ZNF597: variants seen among roughly 807,000 people sequenced by gnomAD.
ZNF597 encodes zinc finger protein 597.
A neutral mutation model predicts 7.3 loss-of-function variants in ZNF597; 5 were observed. The observed-to-expected ratio is 0.68, with a 90% confidence interval of 0.36 to 1.44. The LOEUF (loss-of-function observed/expected upper bound fraction) is 1.44, where lower values mean the gene tolerates loss of function less well. ZNF597 is among the 40% of genes most tolerant of loss of function. The pLI is 0.04. For synonymous variants in ZNF597, 209 were observed against 185.4 expected (o/e 1.13, Z -1.04); for missense variants, 585 against 517.9 (o/e 1.13, Z -1.26).
intron 3 of ZNF597, 57 bp downstream of exon 3, chr16:3,440,749 GA>G: frequency 6.2e-7 from 1 of 1,601,382 alleles, no homozygotes; most frequent in Non-Finnish European, 8.5e-7. Context: ...GATAAAGCAT[GA>G]AGTTCTCCTC....
chr16:3,441,093 G>A (rs2150934270), intron 2 of ZNF597, among the ~76,000 whole-genome samples, 160 bp from the exon 3 acceptor site: 1 of 152,352 alleles, frequency 6.6e-6, no homozygotes, highest in East Asian at 1.9e-4. Flanking sequence ...GTTCTAAGGG[G>A]TGGGGTGAGG....
rs1180813937 is a variant in ZNF597 at position 3,443,351 on chromosome 16, C to G, written c.-54+9G>C. On this transcript the variant is annotated intron_variant, in intron 1 of 3. Transcript: ENST00000301744. ...CCTCTTGGCCCGGCCTCGAAAGGGG[C>G]CCACTTACCGCTCCGCGGTTAATAA... is the stretch of plus-strand genomic sequence containing the variant. 4 of 593,288 alleles carry G rather than the reference C, an allele frequency of 6.7e-6. No individual in the cohort carries two copies. Among genetic ancestry groups the G allele is most frequent in the Admixed American group, 3.4e-5 (1 of 29,538 alleles). 36.8% of individuals were successfully genotyped at this position (593,288 alleles called of 1,614,324 possible).
At chr16:3,441,130 C>T (rs1361907052) in intron 2 of ZNF597, among the ~76,000 whole-genome samples, 197 bp from the exon 3 acceptor site, 2 of 152,158 alleles carry the variant, frequency 1.3e-5, no homozygotes, top group Non-Finnish European at 2.9e-5. Flanking sequence ...TAAACATGGA[C>T]ATACATTTTT....
rs1417521317 is a variant in ZNF597 at position 3,443,368 on chromosome 16, G to A, written c.-62C>T. On this transcript the variant is annotated 5_prime_UTR_variant, in exon 1 of 4. Coordinates refer to ENST00000301744, the MANE Select transcript of ZNF597 (RefSeq NM_152457.3). ...GAAAGGGGCCCACTTACCGCTCCGCGGTTAATAACAGGCCTCGCGCTCCCT... is the reference window on the plus strand; with the variant it reads ...GAAAGGGGCCCACTTACCGCTCCGCAGTTAATAACAGGCCTCGCGCTCCCT... The A allele has an allele frequency of 3.5e-6, 2 of 569,022 alleles. No individual in the cohort carries two copies. The highest frequency in any genetic ancestry group is 3.9e-5 in the African/African-American group (2 of 51,194). The allele number at this position is 569,022 out of a possible 1,614,324, so 35.2% of individuals were successfully genotyped here. A position where few individuals can be genotyped will look rare whatever the true frequency, so the allele number is the denominator to read the frequency against.
chr16:3,441,209 T>C (rs37831), intron 2 of ZNF597, among the ~76,000 whole-genome samples: 129,479 of 152,174 alleles, frequency 0.85, 55,119 homozygotes, highest in East Asian at 0.9. Flanking sequence ...GATGAGGGAA[T>C]GGCTCTTAGG....
At position 3,440,827 on chromosome 16, in the gene ZNF597, A is replaced by C. The variant is rs926260253; in HGVS notation, c.140T>G (p.Leu47Trp). Residue 47 changes from leucine (L) to tryptophan (W), a missense_variant, in exon 3 of 4, where the codon TTG becomes TGG. Leu to Trp is a moderately conservative substitution (Grantham distance 61). Transcript: ENST00000301744. ...CTTACCCATCAAAGCCGCATCCTCC[A>C]AAGACTCTTTTGTACCATCTTTGCT... ...SLSKDGTKES[L>W]EDAALMGEEG... 8.7e-6 allele frequency: 14 copies of C among 1,613,910 alleles called. No homozygotes were observed. The highest frequency in any genetic ancestry group is 1.2e-5 in the Non-Finnish European group (14 of 1,179,946).
chr16:3,436,829 G>A lies in ZNF597; in HGVS notation c.870C>T (p.Phe290=), dbSNP rs74322708. ...TGTGCTGGTACTGGGGGCCTGATAC[G>A]AATGTTTCCTCAGGCAAAGCAAGAT... is the stretch of plus-strand genomic sequence containing the variant. ...KPNLALPEET[F]VSGPQYQHTK... The change falls in exon 4 of 4, where the codon TTC becomes TTT. Residue 290 remains phenylalanine (F), a synonymous_variant. Transcript: ENST00000301744. 62 of 1,613,812 alleles carry A rather than the reference G, an allele frequency of 3.8e-5. No homozygotes were observed. Among genetic ancestry groups the A allele is most frequent in the East Asian group, 8.9e-5 (4 of 44,890 alleles).
At chr16:3,439,108 G>A (rs2034336342) in intron 3 of ZNF597, among the ~76,000 whole-genome samples, 1 of 152,164 alleles carries the variant, frequency 6.6e-6, no homozygotes, top group African/African-American at 2.4e-5. Context: ...GCTAGGTACA[G>A]TGGCTCAAAC....
intron 2 of ZNF597, among the ~76,000 whole-genome samples, 153 bp from the exon 3 acceptor site, chr16:3,441,086 C>G (rs1325167122): frequency 1.3e-5 from 2 of 152,060 alleles, no homozygotes; most frequent in Admixed American, 1.3e-4. Flanking sequence ...CAAATGGGTT[C>G]TAAGGGGTGG....
rs1445593611 is a variant in ZNF597, at chr16:3,436,716, T to A, written c.983A>T (p.Asp328Val). Residue 328 changes from aspartate to valine, a missense_variant, in exon 4 of 4, where the codon GAT (aspartate) becomes GTT (valine). By Grantham distance (152) the Asp-to-Val change is radical. Coordinates refer to ENST00000301744, the MANE Select transcript of ZNF597 (RefSeq NM_152457.3). ...HDEDSERCSD[D>V]GDNFFSFSKF... ...TGAGAATGAGAAGAAATTGTCCCCATCATCGCTGCAGCGTTCAGAGTCCTC... is the reference window on the plus strand; with the variant it reads ...TGAGAATGAGAAGAAATTGTCCCCAACATCGCTGCAGCGTTCAGAGTCCTC... The A allele has an allele frequency of 6.2e-7, 1 of 1,614,130 alleles. No homozygotes were observed. Among genetic ancestry groups the A allele is most frequent in the Non-Finnish European group, 8.5e-7 (1 of 1,180,008 alleles).
chr16:3,442,110 G>A (rs1007140157), intron 2 of ZNF597, among the ~76,000 whole-genome samples: 6 of 152,048 alleles, frequency 3.9e-5, no homozygotes, highest in African/African-American at 9.7e-5. Context: ...GACACTCATT[G>A]CTAAGCTCAC....
At position 3,442,483 on chromosome 16, in the gene ZNF597, G is replaced by A. The variant is rs545379453; in HGVS notation, c.33+638C>T. 2.1e-3 allele frequency among the ~76,000 whole-genome samples: 319 copies of A among 152,124 alleles called. 2 individuals are homozygous for A. Among genetic ancestry groups the A allele is most frequent in the African/African-American group, 7.3e-3 (303 of 41,492 alleles). ...AAGGTCAGGAGATTGAGACCATCCT[G>A]GCTAACACGGTGAAACCCCGTCTCT... is the stretch of plus-strand genomic sequence containing the variant. On this transcript the variant is annotated intron_variant, in intron 2 of 3. Coordinates refer to ENST00000301744, the MANE Select transcript of ZNF597 (RefSeq NM_152457.3).
In ZNF597 at chr16:3,441,177, T is replaced by C. The variant is rs144056794; in HGVS notation, c.34-244A>G. 1.4e-3 allele frequency among the ~76,000 whole-genome samples: 211 copies of C among 152,286 alleles called. 1 individual carries two copies. The highest frequency in any genetic ancestry group is 6.8e-3 in the Middle Eastern group (2 of 292). ...CAAGGACGGTGGACTGTGAGAATTA[T>C]TGTCTATCTTGAAAGAGAAAAGATG... On this transcript the variant is annotated intron_variant, in intron 2 of 3. Coordinates refer to ENST00000301744, the MANE Select transcript of ZNF597 (RefSeq NM_152457.3).
At chr16:3,438,338 T>C (rs1270861731) in intron 3 of ZNF597, among the ~76,000 whole-genome samples, 2 of 151,430 alleles carry the variant, frequency 1.3e-5, no homozygotes, top group African/African-American at 2.4e-5. Context: ...GGCGGGTGGA[T>C]CACGAGATCA....
Position 3,433,837 on chromosome 16 carries a change from C to T in ZNF597, c.*2587G>A, listed in dbSNP as rs1333180558. 1 of 152,098 alleles carries T rather than the reference C, an allele frequency of 6.6e-6. No homozygotes were observed. The highest frequency in any genetic ancestry group is 6.5e-5 in the Admixed American group (1 of 15,274). The allele number at this position is 152,098 out of a possible 1,614,324, so 9.4% of individuals were successfully genotyped here. On this transcript the variant is annotated 3_prime_UTR_variant, in exon 4 of 4. Transcript: ENST00000301744. The stretch of plus-strand genomic sequence containing the variant: ...ACACTTCCGGGGTTTTCATTTTTTT[C>T]TGCATACTAATCATTAACAGTATTA...
chr16:3,436,551 T>TC lies in ZNF597; in HGVS notation c.1147dup (p.Glu383GlyfsTer16). ...GTGGCTCTTCTGGTGGCATGCAAGT[T>TC]CTGAGTCCAAAGCAAAACTTTCCTC... On this transcript the variant is annotated frameshift_variant, in exon 4 of 4. Transcript: ENST00000301744. LOFTEE classifies it low-confidence loss of function (END_TRUNC). 1 of 1,613,964 alleles carries TC rather than the reference T, an allele frequency of 6.2e-7. No homozygotes were observed. Among genetic ancestry groups the TC allele is most frequent in the South Asian group, 1.1e-5 (1 of 91,060 alleles).
rs2034289718 is a variant in ZNF597, at chr16:3,435,373, T to C, written c.*1051A>G. 1 of 152,260 alleles carries C rather than the reference T, an allele frequency of 6.6e-6. No individual in the cohort carries two copies. The highest frequency in any genetic ancestry group is 1.5e-5 in the Non-Finnish European group (1 of 68,116). The allele number at this position is 152,260 out of a possible 1,614,324, so 9.4% of individuals were successfully genotyped here. Reference sequence around the variant, plus strand: ...ACCCTCACCTATCTCAGCTCCCCTTTCCCTGGCTGCCTGCAGTGCTACTAC... The same window carrying C: ...ACCCTCACCTATCTCAGCTCCCCTTCCCCTGGCTGCCTGCAGTGCTACTAC... On this transcript the variant is annotated 3_prime_UTR_variant, in exon 4 of 4. Coordinates refer to ENST00000301744, the MANE Select transcript of ZNF597 (RefSeq NM_152457.3).
At position 3,437,524 on chromosome 16, in the gene ZNF597, G is replaced by A; in HGVS notation, c.175C>T (p.Pro59Ser). Residue 59 changes from proline (P) to serine (S), a missense_variant, in exon 4 of 4, where the codon CCT (proline) becomes TCT (serine). Coordinates refer to ENST00000301744, the MANE Select transcript of ZNF597 (RefSeq NM_152457.3). The stretch of plus-strand genomic sequence containing the variant: ...AGGCTTAACTGCTGATTAATCTCAG[G>A]CTTGCCTTCCTCTCCTGTTGATAAA... ...DAALMGEEGKPEINQQLSLES... is the reference protein window; with the variant it reads ...DAALMGEEGKSEINQQLSLES... 1 of 1,597,140 alleles carries A rather than the reference G, an allele frequency of 6.3e-7. No individual in the cohort carries two copies. Among genetic ancestry groups the A allele is most frequent in the Non-Finnish European group, 8.5e-7 (1 of 1,173,682 alleles).
chr16:3,438,029 C>A (rs937313732), intron 3 of ZNF597, among the ~76,000 whole-genome samples: 1 of 151,880 alleles, frequency 6.6e-6, no homozygotes, highest in Non-Finnish European at 1.5e-5. Context: ...GAGTTTGAGA[C>A]CAGTCTGGGC....
Sources: allele counts gnomAD v4.1 joint callset (sites outside exome capture counted in the v4.1 genomes callset), GRCh38; gene constraint gnomAD v4.1.1; transcripts MANE v1.5; gene names NCBI Gene and HGNC (gene_info 2026-07-23, HGNC 2026-07-21).